Variants in AUTS2 observed in about 807,000 individuals in gnomAD.
AUTS2 encodes autism susceptibility gene 2 protein.
A neutral mutation model predicts 112.4 loss-of-function variants in AUTS2; 17 were observed. The ratio of observed to expected loss-of-function variants is 0.15; its 90% CI spans 0.10 to 0.23. The LOEUF (loss-of-function observed/expected upper bound fraction) is 0.23, where lower values mean the gene tolerates loss of function less well. Among genes scored for constraint, AUTS2 ranks in the 10% least tolerant of loss-of-function variants. The pLI is 1.00. For missense variants in AUTS2, 1,510 were observed against 1,701.6 expected, an observed-to-expected ratio of 0.89 and a Z score of 1.98; for synonymous variants, 751 against 702.7, an observed-to-expected ratio of 1.07 and a Z score of -1.09.
intron 1 of AUTS2, among the ~76,000 whole-genome samples, chr7:69,675,020 A>G (rs548905218): frequency 6.6e-6 from 1 of 152,172 alleles, no homozygotes; most frequent in Non-Finnish European, 1.5e-5. Context: ...ACAGTTGACA[A>G]TGGTGTAGCT....
chr7:69,841,706 A>G (rs150401239), intron 1 of AUTS2, among the ~76,000 whole-genome samples: 175 of 152,338 alleles, frequency 1.1e-3, no homozygotes, highest in African/African-American at 3.9e-3. Context: ...CTAAGGGAAC[A>G]TAACAGTCAA....
chr7:70,787,215 A>T lies in AUTS2; in HGVS notation c.2315A>T (p.Asn772Ile). ...GGLGNPSVTP[N>I]SMFGHKDGPS... The stretch of plus-strand genomic sequence containing the variant: ...CTCCACTTCACCATTTCAGCACCCA[A>T]CTCAATGTTCGGCCACAAGGATGGC... Residue 772 changes from asparagine (N) to isoleucine (I), a missense_variant, in exon 18 of 19, where the codon AAC becomes ATC. This residue lies in a region of AUTS2 where 788 missense variants were observed against 797.6 expected (regional missense o/e 0.99). Coordinates refer to ENST00000342771, the MANE Select transcript of AUTS2 (RefSeq NM_015570.4). The T allele has an allele frequency of 1.2e-6, 2 of 1,614,090 alleles. No individual in the cohort carries two copies. Among genetic ancestry groups the T allele is most frequent in the Non-Finnish European group, 1.7e-6 (2 of 1,180,014 alleles).
At chr7:70,640,570 ATGG>A (rs1463689113) in intron 5 of AUTS2, among the ~76,000 whole-genome samples, 4 of 99,666 alleles carry the variant, frequency 4.0e-5, no homozygotes, top group African/African-American at 1.6e-4. Context: ...CTCAGAACTA[ATGG>A]TGTGTGTGTG....
intron 4 of AUTS2, among the ~76,000 whole-genome samples, chr7:70,220,407 G>A (rs931575369): frequency 6.6e-6 from 1 of 152,150 alleles, no homozygotes; most frequent in Non-Finnish European, 1.5e-5. Context: ...GTGTTAGGCA[G>A]GGTGCTAAGC....
chr7:69,634,416 G>A (rs1219346251), intron 1 of AUTS2, among the ~76,000 whole-genome samples: 3 of 152,124 alleles, frequency 2.0e-5, no homozygotes, highest in Non-Finnish European at 4.4e-5. Context: ...CACCGCGCCC[G>A]GCCCAGACTT....
intron 1 of AUTS2, among the ~76,000 whole-genome samples, chr7:69,885,803 A>G (rs184377072): frequency 9.4e-4 from 143 of 152,346 alleles, no homozygotes; most frequent in African/African-American, 3.3e-3. Flanking sequence ...ACTTTTTCCA[A>G]TGCTGAGTTG....
intron 6 of AUTS2, among the ~76,000 whole-genome samples, chr7:70,758,164 G>A (rs751749882): frequency 2.0e-5 from 3 of 152,068 alleles, no homozygotes; most frequent in East Asian, 1.9e-4. Flanking sequence ...AATGCTCTAC[G>A]TTGTACATTC....
At chr7:70,596,300 C>T (rs1195142061) in intron 5 of AUTS2, 1 of 152,172 alleles carries the variant, frequency 6.6e-6, no homozygotes, top group Non-Finnish European at 1.5e-5. Context: ...CGTTCCAGCT[C>T]CAGTGCGGGG....
At chr7:70,243,196 T>C (rs530034045) in intron 4 of AUTS2, among the ~76,000 whole-genome samples, 1 of 151,840 alleles carries the variant, frequency 6.6e-6, no homozygotes, top group African/African-American at 2.4e-5. Context: ...CATAATCAGT[T>C]TTCCTTTAAA....
At chr7:70,448,534 T>A (rs1796409085) in intron 5 of AUTS2, among the ~76,000 whole-genome samples, 3 of 152,220 alleles carry the variant, frequency 2.0e-5, no homozygotes, top group Admixed American at 2.0e-4. Flanking sequence ...TAGTTTCTCC[T>A]CTAGCCTTAG....
intron 4 of AUTS2, among the ~76,000 whole-genome samples, chr7:70,430,910 A>C (rs1795634929): frequency 7.5e-6 from 1 of 132,602 alleles, no homozygotes; most frequent in Admixed American, 9.5e-5. Flanking sequence ...ATCTCGGCTC[A>C]CTGCAAGCTC....
chr7:69,946,277 G>C (rs1796805959), intron 2 of AUTS2, among the ~76,000 whole-genome samples: 1 of 152,088 alleles, frequency 6.6e-6, no homozygotes, highest in Admixed American at 6.6e-5. Context: ...GGTTTCCAAT[G>C]GTGTGTAGTA....
intron 5 of AUTS2, among the ~76,000 whole-genome samples, chr7:70,642,540 G>A (rs894357536): frequency 1.2e-5 from 1 of 83,678 alleles, no homozygotes; most frequent in Admixed American, 1.1e-4. Flanking sequence ...CCTCAACCAG[G>A]TGTAAAGTCT....
At chr7:70,197,001 G>A (rs1265749554) in intron 4 of AUTS2, among the ~76,000 whole-genome samples, 1 of 152,146 alleles carries the variant, frequency 6.6e-6, no homozygotes, top group Non-Finnish European at 1.5e-5. Flanking sequence ...CATTACTACT[G>A]TTTATTAATA....
intron 1 of AUTS2, among the ~76,000 whole-genome samples, chr7:69,806,139 T>C (rs540196656): frequency 6.7e-6 from 1 of 149,992 alleles, no homozygotes; most frequent in East Asian, 2.0e-4. Flanking sequence ...CAAGCGGTCT[T>C]CCTACCTCCA....
At chr7:69,654,411 C>T (rs1795428141) in intron 1 of AUTS2, among the ~76,000 whole-genome samples, 1 of 152,188 alleles carries the variant, frequency 6.6e-6, no homozygotes, top group African/African-American at 2.4e-5. Context: ...AGTAATAATG[C>T]CTAAACCTTA....
At chr7:70,210,932 C>T (rs987574109) in intron 4 of AUTS2, among the ~76,000 whole-genome samples, 1 of 152,074 alleles carries the variant, frequency 6.6e-6, no homozygotes, top group South Asian at 2.1e-4. Context: ...CCTTGGTGAG[C>T]CTCGGGAAGC....
At chr7:70,168,535 TG>T (rs1252634554) in intron 4 of AUTS2, among the ~76,000 whole-genome samples, 1 of 152,158 alleles carries the variant, frequency 6.6e-6, no homozygotes, top group Non-Finnish European at 1.5e-5. Context: ...GGGTTGGTCT[TG>T]TACTCCTGAA....
In AUTS2 at chr7:69,893,721, A is replaced by G. The variant is rs533527386; in HGVS notation, c.310-5565A>G. On this transcript the variant is annotated intron_variant, in intron 1 of 18. Transcript: ENST00000342771. ...TGGAAAAATCAGGCGGAGACTTTCT[A>G]TAACCCACTTCATGCAAGGCAGACA... 3.2e-4 allele frequency among the ~76,000 whole-genome samples: 49 copies of G among 152,290 alleles called. 1 individual carries two copies. The highest frequency in any genetic ancestry group is 6.5e-4 in the Admixed American group (10 of 15,294).
Sources: allele counts gnomAD v4.1 joint callset (sites outside exome capture counted in the v4.1 genomes callset), GRCh38; gene constraint gnomAD v4.1.1; regional missense constraint gnomAD v4.1.1; transcripts MANE v1.5; gene names NCBI Gene and HGNC (gene_info 2026-07-23, HGNC 2026-07-21).